The following BRAT1 variants were observed in gnomAD, a reference collection of about 807,000 sequenced individuals.
The protein encoded by BRAT1 is integrator complex assembly factor BRAT1.
In BRAT1, 74 loss-of-function variants were observed where a neutral mutation model predicts 70.6. That is an observed-to-expected ratio of 1.05 (90% CI 0.87 to 1.27). The LOEUF is 1.27. Ranked by LOEUF, BRAT1 falls within the 50% of genes most tolerant of loss-of-function variation. The probability of loss-of-function intolerance (pLI) is 0.00; values close to 1 mark genes in which losing one functional copy is unlikely to be tolerated. For missense variants in BRAT1, 1,203 were observed against 1,098.2 expected, an observed-to-expected ratio of 1.10 and a Z score of -1.35; for synonymous variants, 615 against 517.1, an observed-to-expected ratio of 1.19 and a Z score of -2.57.
At chr7:2,548,957 C>G (rs1218987883) in intron 2 of BRAT1, among the ~76,000 whole-genome samples, 3 of 152,158 alleles carry the variant, frequency 2.0e-5, no homozygotes, top group Non-Finnish European at 2.9e-5. Context: ...GGGCAAGACT[C>G]TGTCTCAAAA....
chr7:2,541,881 C>T lies in BRAT1; in HGVS notation c.1016-45G>A, dbSNP rs1279065426. On this transcript the variant is annotated intron_variant, in intron 7 of 13. Transcript: ENST00000340611. Reference sequence around the variant, plus strand: ...GAGCTCCCTTAGAGAGCACTTCAGCCTCCCCACGGTCACCAGCCACCCCAC... The same window carrying T: ...GAGCTCCCTTAGAGAGCACTTCAGCTTCCCCACGGTCACCAGCCACCCCAC... The T allele has an allele frequency of 1.9e-6, 3 of 1,591,816 alleles. No individual in the cohort carries two copies. In the African/African-American group the frequency reaches 4.0e-5, roughly 21 times the overall value.
At chr7:2,542,689 C>CTTGGAG (rs1779269635) in intron 6 of BRAT1, 1 of 184,264 alleles carries the variant, frequency 5.4e-6, no homozygotes, top group South Asian at 1.0e-4. Flanking sequence ...CAGAGCTGGA[C>CTTGGAG]CCTCATGGTA....
rs780059992 is a variant in BRAT1 at position 2,543,494 on chromosome 7, CAG to C, written c.803+94_803+95del. Reference sequence around the variant, plus strand: ...GCCGCTTCACTGCAGGCCATGTCCTCAGAGAGTCTCCGGCTGCCAGTGGGACA... The same window carrying C: ...GCCGCTTCACTGCAGGCCATGTCCTCAGAGTCTCCGGCTGCCAGTGGGACA... On this transcript the variant is annotated intron_variant, in intron 5 of 13. Transcript: ENST00000340611. The surrounding 1 kb of genome is among the most constrained non-coding windows in gnomAD (Gnocchi z 5.5). 1.7e-5 allele frequency: 25 copies of C among 1,484,898 alleles called. No individual in the cohort carries two copies. In the Admixed American group the frequency reaches 1.9e-4, roughly 11 times the overall value. The allele number at this position is 1,484,898 out of a possible 1,614,324, so 92.0% of individuals were successfully genotyped here.
chr7:2,554,469 C>T (rs750791543), intron 1 of BRAT1, 22 bp from the exon 2 acceptor site: 3 of 1,601,336 alleles, frequency 1.9e-6, no homozygotes, highest in Non-Finnish European at 2.6e-6. Context: ...ATGTGAGAGC[C>T]AAACCTCAAT....
Position 2,538,153 on chromosome 7 carries a change from G to A in BRAT1, c.2382C>T (p.His794=), listed in dbSNP as rs753289498. The part of the protein sequence containing the change: ...LRSTLAESSD[H]VEKSPQSLLQ... ...GGAGGGACTGGGGACTCTTTTCCAC[G>A]TGGTCGCTGCTCTCGGCCAGCGTGC... Residue 794 remains histidine (H), a synonymous_variant, in exon 14 of 14, where the codon CAC becomes CAT. Transcript: ENST00000340611. The A allele has an allele frequency of 2.1e-5, 33 of 1,608,744 alleles. No homozygotes were observed. Among genetic ancestry groups the A allele is most frequent in the Non-Finnish European group, 2.5e-5 (29 of 1,177,082 alleles).
intron 9 of BRAT1, 85 bp downstream of exon 9, chr7:2,541,213 C>T: frequency 6.8e-7 from 1 of 1,463,878 alleles, no homozygotes; most frequent in Non-Finnish European, 9.1e-7. Context: ...CAGAGAGGGA[C>T]AGCAGTTCCC....
At chr7:2,542,328 G>T in intron 6 of BRAT1, 117 bp from the exon 7 acceptor site, 1 of 847,482 alleles carries the variant, frequency 1.2e-6, no homozygotes, top group Non-Finnish European at 1.9e-6. Context: ...CACCCCCCGA[G>T]AAACATTCTC....
Position 2,543,998 on chromosome 7 carries a change from G to A in BRAT1, c.431-36C>T, listed in dbSNP as rs982187650. 1.3e-6 allele frequency: 2 copies of A among 1,512,976 alleles called. No individual in the cohort carries two copies. Among genetic ancestry groups the A allele is most frequent in the African/African-American group, 1.4e-5 (1 of 72,404 alleles). The allele number at this position is 1,512,976 out of a possible 1,614,324, so 93.7% of individuals were successfully genotyped here. A position where few individuals can be genotyped will look rare whatever the true frequency, so the allele number is the denominator to read the frequency against. On this transcript the variant is annotated intron_variant, in intron 4 of 13. Transcript: ENST00000340611. This position sits in a 1 kb window ranked among gnomAD's most constrained non-coding sequence, Gnocchi z 5.5. ...GATGGGGGAAGAGAGGGAAAAGGGG[G>A]TGAGCCAGAATAGAGCTGGGGGAGG... is the stretch of plus-strand genomic sequence containing the variant.
chr7:2,547,844 G>A (rs1372210029), intron 2 of BRAT1, among the ~76,000 whole-genome samples: 1 of 152,070 alleles, frequency 6.6e-6, no homozygotes, highest in African/African-American at 2.4e-5. Flanking sequence ...AACACGTTAG[G>A]AGGCCAAGGC....
chr7:2,552,081 A>AATACATATATATATATATATATAT lies in BRAT1; in HGVS notation c.127+2223_127+2224insATATATATATATATATATATGTAT, dbSNP rs1198193898. Among the ~76,000 whole-genome samples, 5 of 23,384 alleles carry AATACATATATATATATATATATAT rather than the reference A, an allele frequency of 2.1e-4. 1 individual carries two copies. Among genetic ancestry groups the AATACATATATATATATATATATAT allele is most frequent in the African/African-American group, 1.1e-3 (5 of 4,676 alleles). 15.3% of individuals were successfully genotyped at this position (23,384 alleles called of 152,430 possible). On this transcript the variant is annotated intron_variant, in intron 2 of 13. Coordinates refer to ENST00000340611, the MANE Select transcript of BRAT1 (RefSeq NM_152743.4). ...ACTTTTAGAGAAATGCATAGTCTTAAATATATATATATATATATATATATA... is the reference window on the plus strand; with the variant it reads ...ACTTTTAGAGAAATGCATAGTCTTAAATACATATATATATATATATATATATATATATATATATATATATATATA...
At chr7:2,544,085 TC>T in intron 4 of BRAT1, 123 bp from the exon 5 acceptor site, 1 of 804,364 alleles carries the variant, frequency 1.2e-6, no homozygotes, top group South Asian at 2.6e-5. Context: ...CAAATGCCTC[TC>T]CACTCAAAAG....
chr7:2,542,988 T>C (rs1311363863), intron 6 of BRAT1: 10 of 456,404 alleles, frequency 2.2e-5, no homozygotes, highest in Non-Finnish European at 3.7e-5. Context: ...CCTCTGGGGA[T>C]CTCGCAGAGC....
chr7:2,541,596 C>T (rs900645742), intron 8 of BRAT1, 112 bp from the exon 9 acceptor site: 15 of 1,456,508 alleles, frequency 1.0e-5, no homozygotes, highest in Admixed American at 2.2e-5. Context: ...AGGTTGTGGT[C>T]CCACTGCTGG....
Position 2,547,486 on chromosome 7 carries a change from G to A in BRAT1, c.128-8C>T, listed in dbSNP as rs1428630605. 1 of 1,613,724 alleles carries A rather than the reference G, an allele frequency of 6.2e-7. No individual in the cohort carries two copies. The highest frequency in any genetic ancestry group is 8.5e-7 in the Non-Finnish European group (1 of 1,179,926). On this transcript the variant is annotated splice_region_variant and splice_polypyrimidine_tract_variant and intron_variant, in intron 2 of 13. Transcript: ENST00000340611. Reference sequence around the variant, plus strand: ...GCAGCACGACACTGGACTCTGTGGGGATGGCCCAGCCCAGGGGTCACCAGG... The same window carrying A: ...GCAGCACGACACTGGACTCTGTGGGAATGGCCCAGCCCAGGGGTCACCAGG...
chr7:2,538,313 C>A lies in BRAT1; in HGVS notation c.2222G>T (p.Gly741Val), dbSNP rs770266976. The A allele has an allele frequency of 1.2e-6, 2 of 1,612,918 alleles. No individual in the cohort carries two copies. The highest frequency in any genetic ancestry group is 1.7e-6 in the Non-Finnish European group (2 of 1,179,884). The change falls in exon 14 of 14, where the codon GGC becomes GTC. Residue 741 changes from glycine (G) to valine (V), a missense_variant. Coordinates refer to ENST00000340611, the MANE Select transcript of BRAT1 (RefSeq NM_152743.4). The part of the protein sequence containing the change: ...ASYSSLREAR[G>V]SPNTASAEAT... ...CTCTGCGGAGGCAGTGTTGGGGCTG[C>A]CCCTGGCCTCCCGCAGGCTGCTGTA...
In BRAT1 at chr7:2,550,174, G is replaced by GAA. The variant is rs58187536; in HGVS notation, c.128-2698_128-2697dup. ...TGAGACCCTGTCTCCAAAAAAAAAA[G>GAA]AAAAAAAAAATGCCAGGCACAGTGC... On this transcript the variant is annotated intron_variant, in intron 2 of 13. Coordinates refer to ENST00000340611, the MANE Select transcript of BRAT1 (RefSeq NM_152743.4). 3.7e-4 allele frequency among the ~76,000 whole-genome samples: 54 copies of GAA among 144,606 alleles called. 1 individual carries two copies. The highest frequency in any genetic ancestry group is 1.0e-3 in the African/African-American group (39 of 39,130). The allele number at this position is 144,606 out of a possible 152,430, so 94.9% of individuals were successfully genotyped here. A position where few individuals can be genotyped will look rare whatever the true frequency, so the allele number is the denominator to read the frequency against.
chr7:2,543,841 G>A lies in BRAT1; in HGVS notation c.552C>T (p.Pro184=), dbSNP rs543987079. Residue 184 remains proline, a synonymous_variant, in exon 5 of 14, where the codon CCC becomes CCT. Coordinates refer to ENST00000340611, the MANE Select transcript of BRAT1 (RefSeq NM_152743.4). This position sits in a 1 kb window ranked among gnomAD's most constrained non-coding sequence, Gnocchi z 5.5. ...CGGGCCAGTCACCCCCCGGCAGGCA[G>A]GGCTGCCCCTCGGCTCCACCTCGCA... ...LSMRGGAEGQ[P]CLPGGDWPAC... The A allele has an allele frequency of 2.5e-6, 4 of 1,612,946 alleles. No homozygotes were observed. Among genetic ancestry groups the A allele is most frequent in the African/African-American group, 1.3e-5 (1 of 75,054 alleles).
chr7:2,547,803 G>A (rs1779724916), intron 2 of BRAT1, among the ~76,000 whole-genome samples: 1 of 152,178 alleles, frequency 6.6e-6, no homozygotes, highest in Non-Finnish European at 1.5e-5. Flanking sequence ...GAAAGACCAG[G>A]CTGGGCGTGG....
At chr7:2,538,822 C>T in intron 13 of BRAT1, 58 bp from the exon 14 acceptor site, 1 of 1,583,558 alleles carries the variant, frequency 6.3e-7, no homozygotes, top group Non-Finnish European at 8.5e-7. Context: ...GAGGCTCCCG[C>T]AACAGGACTC....
Sources: gnomAD v4.1 joint callset for allele counts (sites outside exome capture counted in the v4.1 genomes callset) on GRCh38, gnomAD v4.1.1 for gene constraint, Gnocchi (gnomAD v3.1) non-coding constraint, MANE v1.5 for transcripts, NCBI Gene and HGNC (gene_info 2026-07-23, HGNC 2026-07-21) for gene names.